The following PKD1 variants were observed in gnomAD, a reference collection of about 807,000 sequenced individuals.
PKD1 encodes the protein polycystin-1.
Under a neutral mutation model 361.7 loss-of-function variants are expected in PKD1, and 81 were observed. The observed-to-expected ratio is 0.22, with a 90% CI of 0.19 to 0.27. PKD1 has a LOEUF of 0.27. Ranked by LOEUF, PKD1 falls within the 10% of genes least tolerant of loss-of-function variation. The pLI is 1.00. For synonymous variants in PKD1, 3,615 were observed against 2,818.3 expected (o/e 1.28, Z -8.95); for missense variants, 6,399 against 6,118.3 (o/e 1.05, Z -1.53).
rs372278093 is a variant in PKD1 at position 2,093,924 on chromosome 16, C to G, written c.10708G>C (p.Val3570Leu). 4 of 1,584,046 alleles carry G rather than the reference C, an allele frequency of 2.5e-6. No homozygotes were observed. In the Admixed American group the frequency reaches 7.0e-5, roughly 28 times the overall value. Residue 3570 changes from valine to leucine, a missense_variant, in exon 36 of 46, where the codon GTG becomes CTG. By Grantham distance (32) the Val-to-Leu change is conservative. Transcript: ENST00000262304. Reference protein sequence around the residue: ...GLSLLLVAVAVAVSGWVGASF... With the variant: ...GLSLLLVAVALAVSGWVGASF... The stretch of plus-strand genomic sequence containing the variant: ...GCACCCACCCACCCTGAGACAGCCA[C>G]AGCCACAGCCACCAGGAGCAGGCTG...
At chr16:2,128,453 CTCTG>C (rs1323304971) in intron 1 of PKD1, among the ~76,000 whole-genome samples, 24 of 152,014 alleles carry the variant, frequency 1.6e-4, no homozygotes, top group African/African-American at 4.6e-4. Flanking sequence ...CCACTGCCAC[CTCTG>C]TCTGTCTATA....
In PKD1 at chr16:2,091,513, C is replaced by T. The variant is rs775702712; in HGVS notation, c.11622G>A (p.Pro3874=). The T allele has an allele frequency of 1.4e-6, 2 of 1,454,504 alleles. No individual in the cohort carries two copies. The highest frequency in any genetic ancestry group is 1.3e-5 in the South Asian group (1 of 74,604). The allele number at this position is 1,454,504 out of a possible 1,614,324, so 90.1% of individuals were successfully genotyped here. ...GGGCGGCCAGGGCGCGGCCGGCCGC[C>T]GGGAACTCGAGGCGCAGCGTGACGG... The part of the protein sequence containing the change: ...HAAVTLRLEF[P]AAGRALAALS... Residue 3874 remains proline, a synonymous_variant, in exon 42 of 46, where the codon CCG becomes CCA. Transcript: ENST00000262304.
In PKD1 at chr16:2,090,186, G is replaced by A. The variant is rs1250073177; in HGVS notation, c.12453C>T (p.His4151=). 5 of 1,604,278 alleles carry A rather than the reference G, an allele frequency of 3.1e-6. No homozygotes were observed. The African/African-American group carries it at 6.7e-5, about 21-fold the overall frequency. ...MGLSKVKEFR[H]KVRFEGMEPL... ...GCTCCATCCCTTCAAAGCGGACTTT[G>A]TGGCGGAACTGGGGGCGGCACAGGG... The change falls in exon 46 of 46, where the codon CAC becomes CAT. Residue 4151 remains histidine (H), a synonymous_variant. Transcript: ENST00000262304.
intron 10 of PKD1, 49 bp from the exon 11 acceptor site, chr16:2,114,974 G>A (rs979458963): frequency 2.3e-4 from 344 of 1,522,266 alleles, no homozygotes; most frequent in Non-Finnish European, 2.8e-4. Flanking sequence ...GTCATGGCCC[G>A]TGGACCCCCG....
In PKD1 at chr16:2,100,784, C is replaced by G. The variant is rs1427186327; in HGVS notation, c.9398-218G>C. 5.1e-6 allele frequency: 3 copies of G among 590,026 alleles called. No homozygotes were observed. Among genetic ancestry groups the G allele is most frequent in the Non-Finnish European group, 9.1e-6 (3 of 329,420 alleles). 36.5% of individuals were successfully genotyped at this position (590,026 alleles called of 1,614,324 possible). A position where few individuals can be genotyped will look rare whatever the true frequency, so the allele number is the denominator to read the frequency against. ...ACATGATTAAGTTACATGGAAAGAA[C>G]TGTAACTTGTGACATGCAAACATGG... On this transcript the variant is annotated intron_variant, in intron 26 of 45. Coordinates refer to ENST00000262304, the MANE Select transcript of PKD1 (RefSeq NM_001009944.3). This position sits in a 1 kb window ranked among gnomAD's most constrained non-coding sequence, Gnocchi z 4.4.
chr16:2,089,969 T>C lies in PKD1; in HGVS notation c.12670A>G (p.Thr4224Ala), dbSNP rs1005368573. ...RLQAVFEALL[T>A]QFDRLNQATE... is the part of the protein sequence containing the mutation. ...GCCTGGTTGAGTCGGTCAAACTGGGTGAGCAGGGCCTCGAACACGGCTTGG... is the reference window on the plus strand; with the variant it reads ...GCCTGGTTGAGTCGGTCAAACTGGGCGAGCAGGGCCTCGAACACGGCTTGG... Residue 4224 changes from threonine to alanine, a missense_variant, in exon 46 of 46, where the codon ACC becomes GCC. Thr to Ala is a moderately conservative substitution (Grantham distance 58, BLOSUM62 0). Coordinates refer to ENST00000262304, the MANE Select transcript of PKD1 (RefSeq NM_001009944.3). 2 of 1,612,058 alleles carry C rather than the reference T, an allele frequency of 1.2e-6. No homozygotes were observed. Among genetic ancestry groups the C allele is most frequent in the Admixed American group, 3.3e-5 (2 of 59,932 alleles).
chr16:2,117,491 G>C lies in PKD1; in HGVS notation c.1383C>G (p.Thr461=). The C allele has an allele frequency of 2.0e-6, 3 of 1,521,686 alleles. No homozygotes were observed. In the East Asian group the frequency reaches 7.2e-5, roughly 36 times the overall value. The allele number at this position is 1,521,686 out of a possible 1,614,324, so 94.3% of individuals were successfully genotyped here. The part of the protein sequence containing the change: ...AVQRFLVSRV[T]RSLDVWIGFS... ...CCTCGGGGGGTGGGGGCAGGCACCT[G>C]GTGACCCGGGAGACCAGGAAGCGCT... The change falls in exon 6 of 46, where the codon ACC becomes ACG. Residue 461 remains threonine (T), a splice_region_variant and synonymous_variant. Transcript: ENST00000262304.
intron 20 of PKD1, 183 bp from the exon 21 acceptor site, chr16:2,105,657 C>T (rs930708506): frequency 5.5e-6 from 8 of 1,451,956 alleles, no homozygotes; most frequent in East Asian, 4.9e-5. Flanking sequence ...CCCTCCTGGG[C>T]GGGGGCTGCA....
rs569378989 is a variant in PKD1, at chr16:2,117,064, G to A, written c.1386-11C>T. The stretch of plus-strand genomic sequence containing the variant: ...CACACGTCTAGGCTCCTGGGGGCGG[G>A]TGTGGGATGGCAGGGGGCTCAGGGC... On this transcript the variant is annotated splice_polypyrimidine_tract_variant and intron_variant, in intron 6 of 45. Coordinates refer to ENST00000262304, the MANE Select transcript of PKD1 (RefSeq NM_001009944.3). The A allele has an allele frequency of 4.1e-6, 6 of 1,478,546 alleles. No homozygotes were observed. The highest frequency in any genetic ancestry group is 1.4e-5 in the African/African-American group (1 of 72,746). 91.6% of individuals were successfully genotyped at this position (1,478,546 alleles called of 1,614,324 possible).
chr16:2,102,460 G>A lies in PKD1; in HGVS notation c.9122C>T (p.Ala3041Val). 2 of 1,553,122 alleles carry A rather than the reference G, an allele frequency of 1.3e-6. No homozygotes were observed. The highest frequency in any genetic ancestry group is 2.7e-5 in the African/African-American group (2 of 73,236). ...GGTGAGGTGGCGGGTGAGGCAGACG[G>A]CCTGGCGGGGCGAGGTCTCCTCCAG... ...LPLEETSPRQ[A>V]VCLTRHLTAF... Residue 3041 changes from alanine (A) to valine (V), a missense_variant, in exon 25 of 46, where the codon GCC becomes GTC. Physicochemically the swap from Ala to Val is moderately conservative, Grantham distance 64. Coordinates refer to ENST00000262304, the MANE Select transcript of PKD1 (RefSeq NM_001009944.3).
rs1020167534 is a variant in PKD1 at position 2,089,589 on chromosome 16, C to G, written c.*138G>C. 5.7e-5 allele frequency: 63 copies of G among 1,103,162 alleles called. 1 individual carries two copies. In the East Asian group the frequency reaches 1.2e-3, roughly 21 times the overall value. 68.3% of individuals were successfully genotyped at this position (1,103,162 alleles called of 1,614,324 possible). On this transcript the variant is annotated 3_prime_UTR_variant, in exon 46 of 46. Coordinates refer to ENST00000262304, the MANE Select transcript of PKD1 (RefSeq NM_001009944.3). ...TCTTTAAAGTGCTGAAGCCCACAGA[C>G]AGACAGATGCCCCTGCCTGCTCTCT... is the stretch of plus-strand genomic sequence containing the variant.
At position 2,097,773 on chromosome 16, in the gene PKD1, A is replaced by G; in HGVS notation, c.10175T>C (p.Phe3392Ser). 1 of 1,611,388 alleles carries G rather than the reference A, an allele frequency of 6.2e-7. No individual in the cohort carries two copies. The highest frequency in any genetic ancestry group is 8.5e-7 in the Non-Finnish European group (1 of 1,179,864). The change falls in exon 32 of 46, where the codon TTT becomes TCT. Residue 3392 changes from phenylalanine (F) to serine (S), a missense_variant. By Grantham distance (155) the Phe-to-Ser change is radical. Coordinates refer to ENST00000262304, the MANE Select transcript of PKD1 (RefSeq NM_001009944.3). ...TFSGLHAEQA[F>S]VGQMKSDLFL... ...CAAGTCACTCTTCATCTGTCCAACA[A>G]AGGCCTGCTGAGAGGTGCACAGTGT...
At chr16:2,101,755 G>A (rs1412996005) in intron 26 of PKD1, among the ~76,000 whole-genome samples, 6 of 152,266 alleles carry the variant, frequency 3.9e-5, no homozygotes, top group Admixed American at 1.3e-4. Flanking sequence ...AGTCAGGATC[G>A]CGGGTGGATG....
In PKD1 at chr16:2,106,252, C is replaced by G; in HGVS notation, c.7542G>C (p.Leu2514=). 6.2e-7 allele frequency: 1 copy of G among 1,610,282 alleles called. No individual in the cohort carries two copies. Among genetic ancestry groups the G allele is most frequent in the Non-Finnish European group, 8.5e-7 (1 of 1,179,582 alleles). ...CGCAGTGGCCCTGGCGACAGCGCCG[C>G]AGCAGCAGGGCGTACACCAGCGGGG... ...AGAPLVYALL[L]RRCRQGHCEE... The change falls in exon 19 of 46, where the codon CTG becomes CTC. Residue 2514 remains leucine, a synonymous_variant. Transcript: ENST00000262304. The surrounding 1 kb of genome is among the most constrained non-coding windows in gnomAD (Gnocchi z 6.5).
Position 2,112,793 on chromosome 16 carries a change from G to A in PKD1, c.3156C>T (p.Ala1052=). The change falls in exon 13 of 46, where the codon GCC becomes GCT. Residue 1052 remains alanine (A), a synonymous_variant. Transcript: ENST00000262304. ...GVLVDSAVEV[A]FLWTFGDGEQ... is the part of the protein sequence containing the mutation. ...CCGGCCCCCGAGTCACTCACAGGAA[G>A]GCCACCTCCACGGCCGAGTCCACCA... 6.3e-7 allele frequency: 1 copy of A among 1,596,870 alleles called. No homozygotes were observed. The highest frequency in any genetic ancestry group is 8.5e-7 in the Non-Finnish European group (1 of 1,179,408).
chr16:2,109,152 G>A lies in PKD1; in HGVS notation c.6015C>T (p.Ala2005=). 1 of 1,602,036 alleles carries A rather than the reference G, an allele frequency of 6.2e-7. No individual in the cohort carries two copies. ...GGACCTTCTGCAGCGAGAAGTACCA[G>A]GCGTAGGCGACCCGAGAGCCGCGCT... ...RVQRGSRVAY[A]WYFSLQKVQG... Residue 2005 remains alanine (A), a synonymous_variant, in exon 15 of 46, where the codon GCC becomes GCT. Coordinates refer to ENST00000262304, the MANE Select transcript of PKD1 (RefSeq NM_001009944.3).
rs776890572 is a variant in PKD1, at chr16:2,109,071, G to A, written c.6096C>T (p.Ala2032=). 25 of 1,605,526 alleles carry A rather than the reference G, an allele frequency of 1.6e-5. No individual in the cohort carries two copies. Among genetic ancestry groups the A allele is most frequent in the East Asian group, 4.5e-5 (2 of 44,674 alleles). Residue 2032 remains alanine (A), a synonymous_variant, in exon 15 of 46, where the codon GCC becomes GCT. Coordinates refer to ENST00000262304, the MANE Select transcript of PKD1 (RefSeq NM_001009944.3). ...GCACCTGGATCTCCAACAGCCCCGCGGCCACGGGCGTGTAGGTGACGTCGC... is the reference window on the plus strand; with the variant it reads ...GCACCTGGATCTCCAACAGCCCCGCAGCCACGGGCGTGTAGGTGACGTCGC... ...SGRDVTYTPV[A]AGLLEIQVRA... is the part of the protein sequence containing the mutation.
In PKD1 at chr16:2,092,129, T is replaced by G. The variant is rs2151699669; in HGVS notation, c.11329A>C (p.Ser3777Arg). The G allele has an allele frequency of 6.2e-7, 1 of 1,612,716 alleles. No individual in the cohort carries two copies. Among genetic ancestry groups the G allele is most frequent in the East Asian group, 2.2e-5 (1 of 44,872 alleles). The change falls in exon 40 of 46, where the codon AGC becomes CGC. Residue 3777 changes from serine (S) to arginine (R), a missense_variant. Physicochemically the swap from Ser to Arg is moderately radical, Grantham distance 110. Transcript: ENST00000262304. ...CAGCCAACGTCGTAATCGCTGGTGC[T>G]GAAGCCTCCTGCGGCCGAGCACGTG... ...VHTCSAAGGF[S>R]TSDYDVGWES...
At chr16:2,113,323 T>C in intron 11 of PKD1, 31 bp from the exon 12 acceptor site, 8 of 1,595,088 alleles carry the variant, frequency 5.0e-6, no homozygotes, top group Non-Finnish European at 6.8e-6. Context: ...GCCTGGGCTC[T>C]GTGGAGGACT....
Sources: allele counts gnomAD v4.1 joint callset (sites outside exome capture counted in the v4.1 genomes callset), GRCh38; gene constraint gnomAD v4.1.1; non-coding constraint Gnocchi (gnomAD v3.1); transcripts MANE v1.5; gene names NCBI Gene and HGNC (gene_info 2026-07-23, HGNC 2026-07-21).